The following CPM variants were observed in gnomAD, a reference collection of about 807,000 sequenced individuals.
The protein encoded by CPM is renal carboxypeptidase.
Under a neutral mutation model 46.4 loss-of-function variants are expected in CPM, and 35 were observed. That is an observed-to-expected ratio of 0.75 (90% CI 0.58 to 1.00). The LOEUF (loss-of-function observed/expected upper bound fraction) is 1.00. CPM is among the 50% of genes least tolerant of loss of function. The pLI is 0.00. For missense variants in CPM, 422 were observed against 530.4 expected (o/e 0.80, Z 2.01); for synonymous variants, 195 against 195.3 (o/e 1.00, Z 0.01).
At chr12:68,953,033 C>G (rs1888959469) in intron 1 of CPM, among the ~76,000 whole-genome samples, 1 of 152,214 alleles carries the variant, frequency 6.6e-6, no homozygotes, top group South Asian at 2.1e-4. Context: ...ACCAAAATCA[C>G]TGTTTCCCAA....
intron 2 of CPM, among the ~76,000 whole-genome samples, chr12:68,894,681 C>G (rs1886794984): frequency 6.6e-6 from 1 of 152,128 alleles, no homozygotes; most frequent in African/African-American, 2.4e-5. Flanking sequence ...CAGAATATTT[C>G]TATAAAGTGG....
intron 2 of CPM, among the ~76,000 whole-genome samples, chr12:68,927,291 G>C (rs1289038329): frequency 7.3e-5 from 11 of 151,090 alleles, no homozygotes; most frequent in South Asian, 2.1e-4. Flanking sequence ...TTGTGGTTTT[G>C]ATTTGCATTT....
Position 68,856,461 on chromosome 12 carries a change from A to G in CPM, c.1308T>C (p.Ser436=), listed in dbSNP as rs763570499. ...TTTATTTGAAGAATATGTGCAAAAG[A>G]CTCACTAAAAATAAGAACAAACTAG... ...TKPSLFLFLV[S]LLHIFFK is the part of the protein sequence containing the mutation. The change falls in exon 9 of 9, where the codon AGT becomes AGC. Residue 436 remains serine (S), a synonymous_variant. Coordinates refer to ENST00000551568, the MANE Select transcript of CPM (RefSeq NM_198320.5). 4 of 1,613,924 alleles carry G rather than the reference A, an allele frequency of 2.5e-6. No individual in the cohort carries two copies. Among genetic ancestry groups the G allele is most frequent in the Non-Finnish European group, 3.4e-6 (4 of 1,179,990 alleles).
intron 3 of CPM, among the ~76,000 whole-genome samples, chr12:68,872,738 A>ATT (rs57880816): frequency 6.8e-6 from 1 of 146,620 alleles, no homozygotes; most frequent in Non-Finnish European, 1.5e-5. Flanking sequence ...CACATTGTAG[A>ATT]TTTTTTTTTT....
At chr12:68,920,697 T>TC (rs1888000405) in intron 2 of CPM, among the ~76,000 whole-genome samples, 1 of 145,718 alleles carries the variant, frequency 6.9e-6, no homozygotes, top group African/African-American at 2.6e-5. Flanking sequence ...CTTTTTCTTT[T>TC]TCTTTTTTTT....
intron 2 of CPM, among the ~76,000 whole-genome samples, chr12:68,914,243 C>T (rs1486824417): frequency 6.6e-6 from 1 of 151,998 alleles, no homozygotes; most frequent in African/African-American, 2.4e-5. Flanking sequence ...ATTAGAAGAC[C>T]TCTGCCCCGC....
At chr12:68,926,961 C>T (rs1355229247) in intron 2 of CPM, among the ~76,000 whole-genome samples, 3 of 152,172 alleles carry the variant, frequency 2.0e-5, no homozygotes, top group Non-Finnish European at 2.9e-5. Context: ...TCCAGTCTAT[C>T]GTTGTTGGAC....
At position 68,862,694 on chromosome 12, in the gene CPM, T is replaced by C. The variant is rs1885262065; in HGVS notation, c.941-3623A>G. Among the ~76,000 whole-genome samples the C allele has an allele frequency of 2.2e-5, 2 of 92,750 alleles. 1 individual carries two copies. The highest frequency in any genetic ancestry group is 9.9e-5 in the African/African-American group (2 of 20,244). The allele number at this position is 92,750 out of a possible 152,430, so 60.8% of individuals were successfully genotyped here. On this transcript the variant is annotated intron_variant, in intron 7 of 8. Coordinates refer to ENST00000551568, the MANE Select transcript of CPM (RefSeq NM_198320.5). ...AAATAAAAGCGTGCTTTAGCTTGTATATGTCTTTACAATATTTTGTCTACA... is the reference window on the plus strand; with the variant it reads ...AAATAAAAGCGTGCTTTAGCTTGTACATGTCTTTACAATATTTTGTCTACA...
At position 68,909,155 on chromosome 12, in the gene CPM, G is replaced by A. The variant is rs371908692; in HGVS notation, c.161-23266C>T. 7.2e-5 allele frequency among the ~76,000 whole-genome samples: 11 copies of A among 152,288 alleles called. No homozygotes were observed. In the East Asian group the frequency reaches 1.3e-3, roughly 19 times the overall value. On this transcript the variant is annotated intron_variant, in intron 2 of 8. Transcript: ENST00000551568. ...GGCCCTGGGTTCAAGCAATCATCCA[G>A]CCTCGGTGTCCTGGGTAGCTGGAAT...
rs75899888 is a variant in CPM, at chr12:68,944,276, C to T, written c.-3-11436G>A. 7.7e-3 allele frequency among the ~76,000 whole-genome samples: 1,176 copies of T among 152,216 alleles called. 24 individuals carry two copies. Among genetic ancestry groups the T allele is most frequent in the African/African-American group, 0.026 (1,099 of 41,538 alleles). Reference sequence around the variant, plus strand: ...CATGGTGTAAAAGAGAAACATAGTCCTCACTTTGATAGAGTTCATATTGTA... The same window carrying T: ...CATGGTGTAAAAGAGAAACATAGTCTTCACTTTGATAGAGTTCATATTGTA... On this transcript the variant is annotated intron_variant, in intron 1 of 8. Coordinates refer to the CPM transcript ENST00000546373.
At chr12:68,912,732 T>C (rs1003390352) in intron 2 of CPM, among the ~76,000 whole-genome samples, 1 of 152,182 alleles carries the variant, frequency 6.6e-6, no homozygotes, top group African/African-American at 2.4e-5. Context: ...AATTGAATGG[T>C]TTCTCACTAG....
chr12:68,935,243 A>ATTGT (rs67250545), upstream of CPM, among the ~76,000 whole-genome samples: 16,875 of 147,902 alleles, frequency 0.11, 999 homozygotes, highest in Non-Finnish European at 0.12. Flanking sequence ...AAGTTGTTTT[A>ATTGT]TTGTTTGTTT....
At chr12:68,906,023 G>A (rs1289500157) in intron 2 of CPM, among the ~76,000 whole-genome samples, 1 of 152,182 alleles carries the variant, frequency 6.6e-6, no homozygotes, top group Non-Finnish European at 1.5e-5. Context: ...CAGGACTCAA[G>A]CATCGGTCAT....
chr12:68,906,310 G>T (rs377254788), intron 2 of CPM, among the ~76,000 whole-genome samples: 1 of 152,114 alleles, frequency 6.6e-6, no homozygotes, highest in African/African-American at 2.4e-5. Flanking sequence ...GAATCTTGAG[G>T]CGTGAGTTCA....
At chr12:68,850,731 T>C (rs889247913), downstream of CPM, 4 of 152,206 alleles carry the variant, frequency 2.6e-5, no homozygotes, top group Admixed American at 6.5e-5. Flanking sequence ...TTTGGAAATA[T>C]AGGTATGTTA....
At chr12:68,938,021 GGTTCTGTTTAA>G (rs1888699242), upstream of CPM, among the ~76,000 whole-genome samples, 2 of 152,164 alleles carry the variant, frequency 1.3e-5, no homozygotes, top group South Asian at 2.1e-4. Context: ...GTGTTGGATT[GGTTCTGTTTAA>G]GGACTCTGAA....
chr12:68,892,030 C>T (rs921973348), intron 2 of CPM, among the ~76,000 whole-genome samples: 8 of 152,152 alleles, frequency 5.3e-5, no homozygotes, highest in Admixed American at 2.0e-4. Flanking sequence ...AGCCACTTCA[C>T]GCGGCTGGAA....
intron 7 of CPM, among the ~76,000 whole-genome samples, chr12:68,859,559 C>A (rs565831356): frequency 1.3e-5 from 2 of 152,206 alleles, no homozygotes; most frequent in Non-Finnish European, 2.9e-5. Context: ...AGCATGGAAT[C>A]GATTGGCCAG....
intron 7 of CPM, among the ~76,000 whole-genome samples, chr12:68,865,926 C>T (rs1436870443): frequency 1.3e-5 from 2 of 152,132 alleles, no homozygotes; most frequent in Admixed American, 6.6e-5. Context: ...ACAGAAACTC[C>T]GGGTTGGGGC....
Sources: gnomAD v4.1 joint callset for allele counts (sites outside exome capture counted in the v4.1 genomes callset) on GRCh38, gnomAD v4.1.1 for gene constraint, MANE v1.5 for transcripts, NCBI Gene and HGNC (gene_info 2026-07-23, HGNC 2026-07-21) for gene names.